RIMS2: variants seen among roughly 807,000 people sequenced by gnomAD.
The protein encoded by RIMS2 is regulating synaptic membrane exocytosis protein 2.
A neutral mutation model predicts 174.4 loss-of-function variants in RIMS2; 59 were observed. That is an observed-to-expected ratio of 0.34 (90% confidence interval 0.27 to 0.42). RIMS2 has a LOEUF of 0.42. Ranked by LOEUF, RIMS2 falls within the 10% of genes least tolerant of loss-of-function variation. The pLI is 1.00. For synonymous variants in RIMS2, 606 were observed against 572.5 expected, an observed-to-expected ratio of 1.06 and a Z score of -0.84; for missense variants, 1,620 against 1,666.3, an observed-to-expected ratio of 0.97 and a Z score of 0.48.
At chr8:104,175,868 A>G (rs1047925890) in intron 19 of RIMS2, among the ~76,000 whole-genome samples, 7 of 152,200 alleles carry the variant, frequency 4.6e-5, no homozygotes, top group Non-Finnish European at 7.4e-5. Context: ...CCAGTCACTG[A>G]TGTATGCTCT....
intron 19 of RIMS2, among the ~76,000 whole-genome samples, chr8:104,164,264 C>T (rs1250456429): frequency 1.3e-5 from 2 of 152,064 alleles, no homozygotes; most frequent in African/African-American, 2.4e-5. Flanking sequence ...TTCATTTAAC[C>T]TGTCAGTTGT....
At chr8:104,062,595 A>G (rs1191542791) in intron 19 of RIMS2, among the ~76,000 whole-genome samples, 1 of 152,214 alleles carries the variant, frequency 6.6e-6, no homozygotes, top group Non-Finnish European at 1.5e-5. Context: ...TGAATCTAGA[A>G]AATAAATATA....
At chr8:103,683,016 G>A (rs1047387258) in intron 1 of RIMS2, among the ~76,000 whole-genome samples, 1 of 152,108 alleles carries the variant, frequency 6.6e-6, no homozygotes, top group East Asian at 1.9e-4. Flanking sequence ...TGAGAAATGC[G>A]GCTTCCACTT....
chr8:104,226,299 A>G (rs894447958), intron 19 of RIMS2, among the ~76,000 whole-genome samples: 5 of 152,008 alleles, frequency 3.3e-5, no homozygotes, highest in African/African-American at 7.2e-5. Context: ...TCTTTTTTTT[A>G]TTCTTTTCAG....
chr8:103,695,348 A>AT (rs993221993), intron 1 of RIMS2, among the ~76,000 whole-genome samples: 15 of 151,840 alleles, frequency 9.9e-5, no homozygotes, highest in Admixed American at 5.2e-4. Flanking sequence ...GTCTCCATTG[A>AT]TTTTTTTCAT....
chr8:103,941,242 G>A (rs954910158), intron 13 of RIMS2, among the ~76,000 whole-genome samples: 2 of 151,982 alleles, frequency 1.3e-5, no homozygotes, highest in African/African-American at 4.8e-5. Flanking sequence ...AATCCTTTGG[G>A]AAGCGGAGAC....
At chr8:104,188,273 G>GATAGATAGATAGATAGATA (rs60940097) in intron 19 of RIMS2, among the ~76,000 whole-genome samples, 53 of 130,670 alleles carry the variant, frequency 4.1e-4, no homozygotes, top group South Asian at 9.8e-4. Flanking sequence ...ATAGATAGAT[G>GATAGATAGATAGATAGATA]GATGAAGTAT....
intron 19 of RIMS2, among the ~76,000 whole-genome samples, chr8:104,107,977 C>T (rs564002317): frequency 6.8e-6 from 1 of 148,052 alleles, no homozygotes; most frequent in Non-Finnish European, 1.5e-5. Flanking sequence ...GCCCCCCCCC[C>T]ACAATGGAAA....
intron 1 of RIMS2, among the ~76,000 whole-genome samples, chr8:103,530,732 G>A (rs1325532999): frequency 6.6e-6 from 1 of 151,870 alleles, no homozygotes; most frequent in Non-Finnish European, 1.5e-5. Context: ...TAATTTTTAT[G>A]CATAATAATA....
intron 1 of RIMS2, among the ~76,000 whole-genome samples, chr8:103,533,702 TA>T (rs1350346859): frequency 7.2e-6 from 1 of 139,816 alleles, no homozygotes; most frequent in Non-Finnish European, 1.6e-5. Flanking sequence ...AAAAACCTGA[TA>T]AAAGATAAAA....
intron 12 of RIMS2, 35 bp downstream of exon 14, chr8:103,931,428 A>T (rs368269801): frequency 6.9e-7 from 1 of 1,458,568 alleles, no homozygotes; most frequent in East Asian, 2.3e-5. Flanking sequence ...GTTCTGGAAA[A>T]TAAATGAGAA....
chr8:104,142,596 C>A (rs1427195021), intron 19 of RIMS2, among the ~76,000 whole-genome samples: 1 of 152,080 alleles, frequency 6.6e-6, no homozygotes, highest in Non-Finnish European at 1.5e-5. Flanking sequence ...AAATTACAGG[C>A]CTCCTGGATG....
chr8:104,153,080 G>A (rs372148411), intron 19 of RIMS2, among the ~76,000 whole-genome samples: 1 of 152,210 alleles, frequency 6.6e-6, no homozygotes, highest in East Asian at 1.9e-4. Context: ...ATAATAATTG[G>A]CAAAGGAGAA....
chr8:104,208,026 C>T (rs975039077), intron 19 of RIMS2, among the ~76,000 whole-genome samples: 1 of 151,890 alleles, frequency 6.6e-6, no homozygotes, highest in African/African-American at 2.4e-5. Flanking sequence ...GCCTCAGCCT[C>T]CCAAAATACT....
At chr8:104,191,844 A>G (rs934730143) in intron 19 of RIMS2, among the ~76,000 whole-genome samples, 2 of 152,194 alleles carry the variant, frequency 1.3e-5, no homozygotes, top group East Asian at 1.9e-4. Flanking sequence ...GCCTCAGCCA[A>G]TCCTCCCTCT....
Position 104,099,946 on chromosome 8 carries a change from T to G in RIMS2, c.3334+85331T>G, listed in dbSNP as rs534157830. On this transcript the variant is annotated intron_variant, in intron 19 of 23. Transcript: ENST00000504942. ...GATCCTCCCACCTCAGCCTCCTGAA[T>G]AGTTGTGACTACAGGGTCACGCCAT... is the stretch of plus-strand genomic sequence containing the variant. Among the ~76,000 whole-genome samples the G allele has an allele frequency of 1.6e-4, 25 of 151,866 alleles. 2 individuals carry two copies. In the South Asian group the frequency reaches 5.2e-3, roughly 32 times the overall value.
intron 3 of RIMS2, among the ~76,000 whole-genome samples, chr8:103,841,431 T>C (rs1477730062): frequency 6.6e-6 from 1 of 152,144 alleles, no homozygotes; most frequent in East Asian, 1.9e-4. Flanking sequence ...GACTTGATGA[T>C]TCTCTGTCTC....
intron 12 of RIMS2, among the ~76,000 whole-genome samples, chr8:103,932,064 A>G (rs889242836): frequency 2.6e-5 from 4 of 152,136 alleles, no homozygotes; most frequent in Non-Finnish European, 5.9e-5. Flanking sequence ...TCAGGCATAT[A>G]AAAAATAAAA....
chr8:103,905,212 G>C (rs1485616000), intron 4 of RIMS2, among the ~76,000 whole-genome samples: 1 of 151,908 alleles, frequency 6.6e-6, no homozygotes, highest in Non-Finnish European at 1.5e-5. Context: ...GATACTTTCA[G>C]ATTCCTTCTT....
Sources: allele counts gnomAD v4.1 joint callset (sites outside exome capture counted in the v4.1 genomes callset), GRCh38; gene constraint gnomAD v4.1.1; transcripts MANE v1.5; gene names NCBI Gene and HGNC (gene_info 2026-07-23, HGNC 2026-07-21).